Variants in GNPTAB observed in about 807,000 individuals in gnomAD.
The protein encoded by GNPTAB is N-acetylglucosamine-1-phosphotransferase subunits alpha/beta.
Under a neutral mutation model 136.6 loss-of-function variants are expected in GNPTAB, and 92 were observed. That is an observed-to-expected ratio of 0.67 (90% CI 0.57 to 0.80). GNPTAB has a LOEUF of 0.80. Among genes scored for constraint, GNPTAB ranks in the 30% least tolerant of loss-of-function variants. GNPTAB has a pLI of 0.00. For synonymous variants in GNPTAB, 512 were observed against 535.1 expected, an observed-to-expected ratio of 0.96 and a Z score of 0.60; for missense variants, 1,343 against 1,501.8, an observed-to-expected ratio of 0.89 and a Z score of 1.75.
chr12:101,765,249 A>G lies in GNPTAB; in HGVS notation c.1668T>C (p.Ile556=), dbSNP rs1953072099. The change falls in exon 13 of 21, where the codon ATT becomes ATC. Residue 556 remains isoleucine (I), a synonymous_variant. Coordinates refer to ENST00000299314, the MANE Select transcript of GNPTAB (RefSeq NM_024312.5). Reference sequence around the variant, plus strand: ...AAGGCAGGCATTCACCTTTTGGAATAATATAGTGAGTCTGGTTTGGGAGAA... The same window carrying G: ...AAGGCAGGCATTCACCTTTTGGAATGATATAGTGAGTCTGGTTTGGGAGAA... ...VILLPNQTHY[I]IPKGECLPYF... The G allele has an allele frequency of 1.2e-6, 2 of 1,613,904 alleles. No individual in the cohort carries two copies. Among genetic ancestry groups the G allele is most frequent in the African/African-American group, 1.3e-5 (1 of 74,934 alleles).
Position 101,770,461 on chromosome 12 carries a change from T to A in GNPTAB, c.1058A>T (p.Gln353Leu), listed in dbSNP as rs1318300314. 1.9e-6 allele frequency: 3 copies of A among 1,613,920 alleles called. No individual in the cohort carries two copies. In the East Asian group the frequency reaches 6.7e-5, roughly 36 times the overall value. The change falls in exon 9 of 21, where the codon CAG becomes CTG. Residue 353 changes from glutamine to leucine, a missense_variant. Gln to Leu is a moderately radical substitution (Grantham distance 113). Coordinates refer to ENST00000299314, the MANE Select transcript of GNPTAB (RefSeq NM_024312.5). ...VRNIFIVTNG[Q>L]IPSWLNLDNP... The stretch of plus-strand genomic sequence containing the variant: ...GTCAAGGTTCAGCCAGGATGGAATC[T>A]GCCCGTTGGTGACAATGAAAATATT...
chr12:101,770,541 G>A lies in GNPTAB; in HGVS notation c.978C>T (p.Asn326=), dbSNP rs747179171. 2.0e-5 allele frequency: 32 copies of A among 1,613,338 alleles called. No individual in the cohort carries two copies. The highest frequency in any genetic ancestry group is 2.7e-5 in the African/African-American group (2 of 74,880). ...ATCGCAATGAGTACCTCAGTTCTTC[G>A]TTATCTTCAAAACGACTGGCAGAGA... The part of the protein sequence containing the change: ...EDISASRFED[N]EELRYSLRSI... The change falls in exon 9 of 21, where the codon AAC becomes AAT. Residue 326 remains asparagine, a synonymous_variant. Transcript: ENST00000299314.
intron 19 of GNPTAB, among the ~76,000 whole-genome samples, chr12:101,749,528 T>A (rs1313067922): frequency 6.6e-6 from 1 of 152,236 alleles, no homozygotes; most frequent in African/African-American, 2.4e-5. Flanking sequence ...AAATACTTCC[T>A]GCGTATATGG....
chr12:101,793,853 CTTAT>C (rs768431793), intron 2 of GNPTAB, among the ~76,000 whole-genome samples: 2 of 151,854 alleles, frequency 1.3e-5, no homozygotes, highest in Non-Finnish European at 2.9e-5. Flanking sequence ...TATTTATTTA[CTTAT>C]TTAGAGATAG....
intron 19 of GNPTAB, among the ~76,000 whole-genome samples, chr12:101,753,074 G>A (rs1451748304): frequency 6.6e-6 from 1 of 152,066 alleles, no homozygotes; most frequent in Admixed American, 6.6e-5. Flanking sequence ...CTAACATGGT[G>A]AAACTCTGTT....
chr12:101,829,126 A>C (rs1337302231), intron 1 of GNPTAB, among the ~76,000 whole-genome samples: 1 of 152,194 alleles, frequency 6.6e-6, no homozygotes, highest in South Asian at 2.1e-4. Context: ...CAGGACTGCA[A>C]CAAAATGTCT....
intron 1 of GNPTAB, among the ~76,000 whole-genome samples, chr12:101,805,747 G>C (rs1869900604): frequency 6.6e-6 from 1 of 152,126 alleles, no homozygotes; most frequent in African/African-American, 2.4e-5. Flanking sequence ...CTCCTTTCTT[G>C]AGGAGCAATT....
chr12:101,785,450 G>A (rs1868581282), intron 5 of GNPTAB: 1 of 153,824 alleles, frequency 6.5e-6, no homozygotes, highest in Non-Finnish European at 1.4e-5. Flanking sequence ...GAACTCCTTA[G>A]GCTCAAGCAA....
chr12:101,749,325 G>A, intron 19 of GNPTAB, 134 bp from the exon 20 acceptor site: 1 of 696,192 alleles, frequency 1.4e-6, no homozygotes, highest in Non-Finnish European at 2.6e-6. Flanking sequence ...ATTCTAAAAT[G>A]CTCACACAAT....
At chr12:101,789,875 A>G in intron 3 of GNPTAB, 63 bp downstream of exon 3, 1 of 1,446,282 alleles carries the variant, frequency 6.9e-7, no homozygotes, top group East Asian at 2.3e-5. Context: ...GAGATGTGCC[A>G]CCCTCAGACC....
At chr12:101,801,569 T>TAAAAA (rs1869637599) in intron 1 of GNPTAB, among the ~76,000 whole-genome samples, 1 of 84,752 alleles carries the variant, frequency 1.2e-5, no homozygotes, top group Non-Finnish European at 2.5e-5. Flanking sequence ...AAAAAAAAAC[T>TAAAAA]GGAAAAAAAT....
rs1952747030 is a variant in GNPTAB, at chr12:101,747,233, T to TATCTTCC, written c.3701_3702insGGAAGAT (p.Leu1235GlufsTer4). 1 of 1,561,874 alleles carries TATCTTCC rather than the reference T, an allele frequency of 6.4e-7. No homozygotes were observed. Among genetic ancestry groups the TATCTTCC allele is most frequent in the African/African-American group, 1.4e-5 (1 of 73,942 alleles). On this transcript the variant is annotated frameshift_variant, in exon 21 of 21. Coordinates refer to ENST00000299314, the MANE Select transcript of GNPTAB (RefSeq NM_024312.5). LOFTEE classifies it high-confidence loss of function. Reference sequence around the variant, plus strand: ...TTCTGGGAAATATCTTCCGCTTAAGTGCAATTAACTAAATGATGAAAGACA... The same window carrying TATCTTCC: ...TTCTGGGAAATATCTTCCGCTTAAGTATCTTCCGCAATTAACTAAATGATGAAAGACA...
Position 101,749,101 on chromosome 12 carries a change from C to G in GNPTAB, c.3693G>C (p.Gln1231His), listed in dbSNP as rs886048849. Residue 1231 changes from glutamine to histidine, a missense_variant and splice_region_variant, in exon 20 of 21, where the codon CAG (glutamine) becomes CAC (histidine). By Grantham distance (24) the Gln-to-His change is conservative (BLOSUM62 0). Coordinates refer to ENST00000299314, the MANE Select transcript of GNPTAB (RefSeq NM_024312.5). The stretch of plus-strand genomic sequence containing the variant: ...CCCACATAAAATATATAAAACTTAC[C>G]TGCTCAGCAAAAAATGAGAATATAG... Reference protein sequence around the residue: ...MFTIFSFFAEQLIALKRKIFP... With the variant: ...MFTIFSFFAEHLIALKRKIFP... 9 of 1,571,104 alleles carry G rather than the reference C, an allele frequency of 5.7e-6. No homozygotes were observed. Among genetic ancestry groups the G allele is most frequent in the Non-Finnish European group, 1.8e-6 (2 of 1,141,444 alleles).
In GNPTAB at chr12:101,780,207, TC is replaced by T. The variant is rs1163490530; in HGVS notation, c.715del (p.Glu239LysfsTer5). ...FLSGFPPTFK[E>X]TNQLKTKLPE... Reference sequence around the variant, plus strand: ...CAATTTTGTTTTTAGTTGATTTGTTTCCTTGAATGTTGGTGGAAATCCACTC... The same window carrying T: ...CAATTTTGTTTTTAGTTGATTTGTTTCTTGAATGTTGGTGGAAATCCACTC... On this transcript the variant is annotated frameshift_variant, in exon 7 of 21. Coordinates refer to ENST00000299314, the MANE Select transcript of GNPTAB (RefSeq NM_024312.5). LOFTEE classifies it high-confidence loss of function. 1 of 1,613,646 alleles carries T rather than the reference TC, an allele frequency of 6.2e-7. No individual in the cohort carries two copies. Among genetic ancestry groups the T allele is most frequent in the Non-Finnish European group, 8.5e-7 (1 of 1,179,526 alleles).
intron 10 of GNPTAB, 47 bp from the exon 11 acceptor site, chr12:101,768,207 A>G (rs1263975908): frequency 3.1e-6 from 5 of 1,599,884 alleles, no homozygotes; most frequent in East Asian, 2.2e-5. Flanking sequence ...GGCTTCTGAT[A>G]CATTTTATTC....
chr12:101,781,492 CCT>C (rs1953342699), intron 5 of GNPTAB, among the ~76,000 whole-genome samples: 1 of 152,002 alleles, frequency 6.6e-6, no homozygotes, highest in African/African-American at 2.4e-5. Context: ...ATGGCAAAAC[CCT>C]GTCTCTACAA....
Position 101,770,309 on chromosome 12 carries a change from A to G in GNPTAB, c.1113+97T>C. 2.2e-6 allele frequency: 3 copies of G among 1,357,236 alleles called. No homozygotes were observed. The East Asian group carries it at 6.9e-5, about 31-fold the overall frequency. 84.1% of individuals were successfully genotyped at this position (1,357,236 alleles called of 1,614,324 possible). Reference sequence around the variant, plus strand: ...GCTAGAGAAAGGAAGAAATGGAGGTAGAAGGGTAAAGGGAATGAAATTATG... The same window carrying G: ...GCTAGAGAAAGGAAGAAATGGAGGTGGAAGGGTAAAGGGAATGAAATTATG... On this transcript the variant is annotated intron_variant, in intron 9 of 20. Transcript: ENST00000299314.
At chr12:101,772,630 A>C (rs1173779775) in intron 7 of GNPTAB, among the ~76,000 whole-genome samples, 1 of 152,084 alleles carries the variant, frequency 6.6e-6, no homozygotes, top group Non-Finnish European at 1.5e-5. Context: ...CTGAGTCACC[A>C]ACTTGCCTCA....
chr12:101,812,559 C>T (rs1870293089), intron 1 of GNPTAB, among the ~76,000 whole-genome samples: 1 of 151,986 alleles, frequency 6.6e-6, no homozygotes, highest in Non-Finnish European at 1.5e-5. Context: ...AGTTCAAGAC[C>T]AGCTTGGGCA....
Sources: allele counts gnomAD v4.1 joint callset (sites outside exome capture counted in the v4.1 genomes callset), GRCh38; gene constraint gnomAD v4.1.1; transcripts MANE v1.5; gene names NCBI Gene and HGNC (gene_info 2026-07-23, HGNC 2026-07-21).